Variants in RBMS3 observed in about 807,000 individuals in gnomAD.
RBMS3 encodes RNA-binding motif, single-stranded-interacting protein 3.
A neutral mutation model predicts 66.8 loss-of-function variants in RBMS3; 27 were observed. The ratio of observed to expected loss-of-function variants is 0.40; its 90% CI spans 0.30 to 0.56. The LOEUF (loss-of-function observed/expected upper bound fraction) is 0.56. RBMS3 is among the 20% of genes least tolerant of loss of function. The pLI, the probability that RBMS3 is intolerant of heterozygous loss-of-function variation, is 0.40. For missense variants in RBMS3, 513 were observed against 549.5 expected (o/e 0.93, Z 0.66); for synonymous variants, 188 against 183.0 (o/e 1.03, Z -0.22).
chr3:29,461,764 T>C (rs1340587830), intron 2 of RBMS3, among the ~76,000 whole-genome samples: 3 of 117,634 alleles, frequency 2.6e-5, no homozygotes, highest in African/African-American at 9.6e-5. Flanking sequence ...CTCTCTCTCT[T>C]TTTTTTTGAA....
chr3:29,413,419 T>TACACACAC (rs1269292197), intron 1 of RBMS3, among the ~76,000 whole-genome samples: 3 of 110,956 alleles, frequency 2.7e-5, no homozygotes, highest in Non-Finnish European at 3.9e-5. Flanking sequence ...CATACATACA[T>TACACACAC]ACATACACAG....
intron 10 of RBMS3, among the ~76,000 whole-genome samples, chr3:29,933,134 C>T (rs1007294293): frequency 9.2e-5 from 14 of 152,138 alleles, no homozygotes; most frequent in Admixed American, 7.2e-4. Context: ...ACATCCTATA[C>T]ATCTCAAGTA....
At chr3:29,458,141 C>T (rs533263948) in intron 2 of RBMS3, among the ~76,000 whole-genome samples, 1 of 152,192 alleles carries the variant, frequency 6.6e-6, no homozygotes, top group Admixed American at 6.5e-5. Context: ...TTATTGACTC[C>T]CTTCCAACCA....
chr3:29,765,453 T>G (rs1307526834), intron 6 of RBMS3, among the ~76,000 whole-genome samples: 5 of 152,008 alleles, frequency 3.3e-5, no homozygotes, highest in African/African-American at 1.2e-4. Flanking sequence ...TGTCTTTGCT[T>G]GTGAATATGC....
intron 2 of RBMS3, among the ~76,000 whole-genome samples, chr3:29,440,368 C>G (rs770989126): frequency 6.6e-6 from 1 of 152,130 alleles, no homozygotes; most frequent in Non-Finnish European, 1.5e-5. Flanking sequence ...TGTGAAGGAA[C>G]AGAGTGCATT....
chr3:29,742,424 C>T (rs1252294696), intron 5 of RBMS3, among the ~76,000 whole-genome samples: 3 of 152,258 alleles, frequency 2.0e-5, no homozygotes, highest in Non-Finnish European at 4.4e-5. Flanking sequence ...TGATATTGCT[C>T]GCCTTCCTGG....
chr3:29,799,976 T>C (rs545474422), intron 6 of RBMS3, among the ~76,000 whole-genome samples: 1 of 152,300 alleles, frequency 6.6e-6, no homozygotes, highest in East Asian at 1.9e-4. Context: ...TTCATCAAGA[T>C]TTATCGTCAC....
At chr3:29,893,678 A>G (rs2060056411) in intron 8 of RBMS3, among the ~76,000 whole-genome samples, 2 of 151,556 alleles carry the variant, frequency 1.3e-5, no homozygotes, top group Admixed American at 1.3e-4. Flanking sequence ...TTGATTTTTC[A>G]TAGAAAAGGA....
At chr3:29,988,537 G>C (rs963940122) in intron 13 of RBMS3, among the ~76,000 whole-genome samples, 5 of 152,168 alleles carry the variant, frequency 3.3e-5, no homozygotes, top group Non-Finnish European at 7.3e-5. Context: ...AAAAAAGTTT[G>C]CAACTATGTG....
chr3:29,793,171 C>T (rs781290290), intron 6 of RBMS3, among the ~76,000 whole-genome samples: 9 of 150,924 alleles, frequency 6.0e-5, no homozygotes, highest in Non-Finnish European at 1.0e-4. Flanking sequence ...GTGGAGGTTG[C>T]AGTGAGCCCA....
chr3:29,408,727 T>G (rs1438638111), intron 1 of RBMS3, among the ~76,000 whole-genome samples: 1 of 152,194 alleles, frequency 6.6e-6, no homozygotes, highest in East Asian at 1.9e-4. Context: ...TGTTATATTG[T>G]GTAATCGCTG....
At chr3:29,672,708 A>G (rs544799957) in intron 4 of RBMS3, among the ~76,000 whole-genome samples, 1 of 152,358 alleles carries the variant, frequency 6.6e-6, no homozygotes, top group East Asian at 1.9e-4. Context: ...ACATAATGTA[A>G]AGGGATCAAT....
intron 5 of RBMS3, among the ~76,000 whole-genome samples, chr3:29,759,803 A>AAAAG (rs2055585740): frequency 2.0e-5 from 3 of 151,982 alleles, no homozygotes; most frequent in Non-Finnish European, 4.4e-5. Context: ...TCCCCTTGGC[A>AAAAG]GCTCCTATAT....
intron 6 of RBMS3, among the ~76,000 whole-genome samples, chr3:29,769,608 G>A (rs2056105254): frequency 8.3e-6 from 1 of 120,006 alleles, no homozygotes; most frequent in African/African-American, 2.6e-5. Context: ...TAGTGACAAA[G>A]AGGGTTGTTT....
At chr3:29,794,725 C>T (rs1157570867) in intron 6 of RBMS3, among the ~76,000 whole-genome samples, 1 of 152,180 alleles carries the variant, frequency 6.6e-6, no homozygotes, top group Non-Finnish European at 1.5e-5. Context: ...CACTACTCGT[C>T]TCTGAAGAGA....
At chr3:29,630,598 T>A (rs2049249605) in intron 4 of RBMS3, among the ~76,000 whole-genome samples, 1 of 151,986 alleles carries the variant, frequency 6.6e-6, no homozygotes, top group Non-Finnish European at 1.5e-5. Flanking sequence ...CTGAATCATA[T>A]CAACACAGTA....
At chr3:29,490,184 T>C (rs991034366) in intron 3 of RBMS3, among the ~76,000 whole-genome samples, 1 of 144,134 alleles carries the variant, frequency 6.9e-6, no homozygotes, top group Non-Finnish European at 1.5e-5. Flanking sequence ...AATTAAAATT[T>C]AAAATTTTGA....
chr3:29,579,370 C>T (rs1044894195), intron 3 of RBMS3, among the ~76,000 whole-genome samples: 4 of 152,088 alleles, frequency 2.6e-5, no homozygotes, highest in Non-Finnish European at 2.9e-5. Context: ...GGGGGCTTGT[C>T]CTCCAGTTGA....
chr3:29,593,646 A>G lies in RBMS3; in HGVS notation c.399+6441A>G, dbSNP rs560101045. On this transcript the variant is annotated intron_variant, in intron 4 of 14. Transcript: ENST00000383767. ...AGATCAAAGGATCAGAAATCCCTAT[A>G]TGCTATCATTTGTTTGTATCCCATT... 2.4e-3 allele frequency among the ~76,000 whole-genome samples: 362 copies of G among 152,326 alleles called. 4 individuals carry two copies. The highest frequency in any genetic ancestry group is 8.1e-3 in the African/African-American group (338 of 41,580).
Sources: gnomAD v4.1 joint callset for allele counts (sites outside exome capture counted in the v4.1 genomes callset) on GRCh38, gnomAD v4.1.1 for gene constraint, MANE v1.5 for transcripts, NCBI Gene and HGNC (gene_info 2026-07-23, HGNC 2026-07-21) for gene names.